Variants in RBM47 observed in about 807,000 individuals in gnomAD.
RBM47 encodes the protein RNA binding motif protein 47.
Under a neutral mutation model 47.1 loss-of-function variants are expected in RBM47, and 21 were observed. The ratio of observed to expected loss-of-function variants is 0.45; its 90% CI spans 0.32 to 0.64. The LOEUF is 0.64. RBM47 is among the 30% of genes least tolerant of loss of function. The probability of loss-of-function intolerance (pLI) is 0.05; values close to 1 mark genes in which losing one functional copy is unlikely to be tolerated. For synonymous variants in RBM47, 375 were observed against 361.7 expected, an observed-to-expected ratio of 1.04 and a Z score of -0.42; for missense variants, 708 against 870.9, an observed-to-expected ratio of 0.81 and a Z score of 2.35.
intron 1 of RBM47, among the ~76,000 whole-genome samples, chr4:40,588,475 A>G (rs62301865): frequency 0.22 from 33,620 of 152,168 alleles, 3,843 homozygotes; most frequent in Middle Eastern, 0.26. Flanking sequence ...TGTTAGGGTC[A>G]GGGAGCAAGC....
chr4:40,535,118 G>A (rs1727811220), intron 2 of RBM47, among the ~76,000 whole-genome samples: 1 of 152,004 alleles, frequency 6.6e-6, no homozygotes, highest in Admixed American at 6.6e-5. Flanking sequence ...ATCAAATGAG[G>A]CTATACAAGT....
At chr4:40,612,830 AG>A (rs1383077529) in intron 1 of RBM47, among the ~76,000 whole-genome samples, 12 of 152,236 alleles carry the variant, frequency 7.9e-5, no homozygotes, top group Non-Finnish European at 1.5e-4. Flanking sequence ...CAATTTGCAG[AG>A]GGATCTTCAT....
At chr4:40,613,762 C>T (rs1352464393) in intron 1 of RBM47, among the ~76,000 whole-genome samples, 1 of 151,216 alleles carries the variant, frequency 6.6e-6, no homozygotes, top group African/African-American at 2.4e-5. Context: ...TCAAGACCAG[C>T]CTGGACAACA....
intron 1 of RBM47, among the ~76,000 whole-genome samples, chr4:40,580,610 C>T (rs1732795719): frequency 6.6e-6 from 1 of 152,220 alleles, no homozygotes; most frequent in Admixed American, 6.5e-5. Context: ...CACCAGCACG[C>T]ACTGGCAGCC....
intron 2 of RBM47, among the ~76,000 whole-genome samples, chr4:40,473,524 A>C (rs1032270423): frequency 1.3e-5 from 2 of 152,216 alleles, no homozygotes; most frequent in Non-Finnish European, 1.5e-5. Flanking sequence ...CCAGGTAGGA[A>C]TTTTTTCAAG....
chr4:40,426,477 C>T (rs1230858668), intron 6 of RBM47, among the ~76,000 whole-genome samples: 1 of 152,118 alleles, frequency 6.6e-6, no homozygotes, highest in Non-Finnish European at 1.5e-5. Flanking sequence ...CTCAGATGCT[C>T]GAGTCCCTGA....
rs558597228 is a variant in RBM47 at position 40,478,311 on chromosome 4, G to A, written c.-154-11612C>T. The stretch of plus-strand genomic sequence containing the variant: ...ATTATAGGCCTGAGCCACCACACCC[G>A]GTCACATTAACTTCTGTATAGCTCT... On this transcript the variant is annotated intron_variant, in intron 2 of 6. Coordinates refer to ENST00000295971, the MANE Select transcript of RBM47 (RefSeq NM_001098634.2). 3.3e-5 allele frequency among the ~76,000 whole-genome samples: 5 copies of A among 152,200 alleles called. No homozygotes were observed. The East Asian group carries it at 5.8e-4, about 18-fold the overall frequency.
chr4:40,588,622 T>G (rs182192269), intron 1 of RBM47, among the ~76,000 whole-genome samples: 14 of 152,230 alleles, frequency 9.2e-5, no homozygotes, highest in African/African-American at 3.4e-4. Context: ...GCACACACAT[T>G]TATTTTAGCT....
chr4:40,437,091 AT>A (rs373509906), intron 4 of RBM47, among the ~76,000 whole-genome samples: 2,023 of 32,384 alleles, frequency 0.062, 378 homozygotes, highest in South Asian at 0.095. Context: ...AAAAAAAAAA[AT>A]ATATATATAT....
At chr4:40,430,197 AAAAC>A (rs145107424) in intron 6 of RBM47, among the ~76,000 whole-genome samples, 3,257 of 150,204 alleles carry the variant, frequency 0.022, 51 homozygotes, top group East Asian at 0.028. Flanking sequence ...ACCGTCGCAA[AAAAC>A]AAACAAACAA....
At chr4:40,600,444 C>A (rs1446976698) in intron 1 of RBM47, among the ~76,000 whole-genome samples, 2 of 149,366 alleles carry the variant, frequency 1.3e-5, no homozygotes, top group African/African-American at 2.5e-5. Flanking sequence ...ACCATGCTGG[C>A]TAACGTGGTG....
chr4:40,609,320 T>G (rs1736044120), intron 1 of RBM47, among the ~76,000 whole-genome samples: 1 of 148,284 alleles, frequency 6.7e-6, no homozygotes, highest in Non-Finnish European at 1.5e-5. Context: ...TTTTATTGGT[T>G]TTTTTTTTTT....
At position 40,504,588 on chromosome 4, in the gene RBM47, C is replaced by T. The variant is rs180703349; in HGVS notation, c.-154-37889G>A. Reference sequence around the variant, plus strand: ...GATTACAGGCTTGGGTCACTGCACCCGACCCTCATTGTTGTTTTAATTTGC... The same window carrying T: ...GATTACAGGCTTGGGTCACTGCACCTGACCCTCATTGTTGTTTTAATTTGC... On this transcript the variant is annotated intron_variant, in intron 2 of 6. Coordinates refer to ENST00000295971, the MANE Select transcript of RBM47 (RefSeq NM_001098634.2). 5.3e-5 allele frequency among the ~76,000 whole-genome samples: 8 copies of T among 152,208 alleles called. No individual in the cohort carries two copies. In the East Asian group the frequency reaches 1.5e-3, roughly 29 times the overall value.
rs189838899 is a variant in RBM47, at chr4:40,482,339, C to T, written c.-154-15640G>A. 4.7e-3 allele frequency among the ~76,000 whole-genome samples: 718 copies of T among 152,136 alleles called. 1 individual carries two copies. The highest frequency in any genetic ancestry group is 8.5e-3 in the South Asian group (41 of 4,814). ...CGCGATCTCAGCTCACTACAACCTC[C>T]GCCTCCCCGGTTCAAGCCATTTTCC... On this transcript the variant is annotated intron_variant, in intron 2 of 6. Coordinates refer to ENST00000295971, the MANE Select transcript of RBM47 (RefSeq NM_001098634.2).
intron 3 of RBM47, among the ~76,000 whole-genome samples, chr4:40,446,259 G>T (rs1451383380): frequency 6.6e-6 from 1 of 152,180 alleles, no homozygotes; most frequent in African/African-American, 2.4e-5. Context: ...CCACCCTACA[G>T]ATAGGGAAAC....
chr4:40,515,012 C>T (rs1725407134), intron 2 of RBM47, among the ~76,000 whole-genome samples: 1 of 152,214 alleles, frequency 6.6e-6, no homozygotes, highest in South Asian at 2.1e-4. Context: ...ACCACATATT[C>T]CTATTTATCA....
intron 1 of RBM47, among the ~76,000 whole-genome samples, chr4:40,618,862 G>A (rs1275087520): frequency 2.1e-5 from 3 of 143,784 alleles, no homozygotes; most frequent in African/African-American, 7.6e-5. Flanking sequence ...TCCTTGGGAT[G>A]TTTGAACAGG....
chr4:40,540,638 C>CAAAA (rs367927651), intron 2 of RBM47, among the ~76,000 whole-genome samples: 1 of 106,932 alleles, frequency 9.4e-6, no homozygotes, highest in African/African-American at 4.0e-5. Context: ...AACTCTGTCT[C>CAAAA]AAAAAAAAAA....
chr4:40,568,984 A>AAGATAGATAGATAGATAGAT lies in RBM47; in HGVS notation c.-239-24498_-239-24479dup, dbSNP rs60078594. Among the ~76,000 whole-genome samples the AAGATAGATAGATAGATAGAT allele has an allele frequency of 4.6e-3, 665 of 145,236 alleles. 5 individuals are homozygous for AAGATAGATAGATAGATAGAT. Among genetic ancestry groups the AAGATAGATAGATAGATAGAT allele is most frequent in the African/African-American group, 0.016 (583 of 37,278 alleles). On this transcript the variant is annotated intron_variant, in intron 1 of 6. Coordinates refer to ENST00000295971, the MANE Select transcript of RBM47 (RefSeq NM_001098634.2). Reference sequence around the variant, plus strand: ...CGACAATAGTGAGACTCTGTCTCAAAAGATAGATAGATAGATAGATAGATA... The same window carrying AAGATAGATAGATAGATAGAT: ...CGACAATAGTGAGACTCTGTCTCAAAAGATAGATAGATAGATAGATAGATAGATAGATAGATAGATAGATA...
Sources: gnomAD v4.1 joint callset for allele counts (sites outside exome capture counted in the v4.1 genomes callset) on GRCh38, gnomAD v4.1.1 for gene constraint, MANE v1.5 for transcripts, NCBI Gene and HGNC (gene_info 2026-07-23, HGNC 2026-07-21) for gene names.